FBXO8: variants seen among roughly 807,000 people sequenced by gnomAD.
The protein encoded by FBXO8 is F-box only protein 8.
FBXO8 carries 15 observed loss-of-function variants against 33.4 expected under a neutral mutation model. The ratio of observed to expected loss-of-function variants is 0.45; its 90% CI spans 0.30 to 0.69. FBXO8 has a LOEUF of 0.69. Among genes scored for constraint, FBXO8 ranks in the 30% least tolerant of loss-of-function variants. The pLI, the probability that FBXO8 is intolerant of heterozygous loss-of-function variation, is 0.08. For synonymous variants in FBXO8, 132 were observed against 131.5 expected (o/e 1.00, Z -0.02); for missense variants, 274 against 380.3 (o/e 0.72, Z 2.32).
rs945949844 is a variant in FBXO8 at position 174,251,857 on chromosome 4, A to G, written c.456+7842T>C. ...GGTAAACAGTTCTTACAGAGGGGGG[A>G]GCTACTTAAGCCATATTTGGTGAGG... On this transcript the variant is annotated intron_variant, in intron 3 of 5. Coordinates refer to ENST00000393674, the MANE Select transcript of FBXO8 (RefSeq NM_012180.3). The surrounding 1 kb of genome is among the most constrained non-coding windows in gnomAD (Gnocchi z 4.2). Among the ~76,000 whole-genome samples the G allele has an allele frequency of 6.6e-6, 1 of 152,052 alleles. No individual in the cohort carries two copies. Among genetic ancestry groups the G allele is most frequent in the Non-Finnish European group, 1.5e-5 (1 of 68,000 alleles).
At position 174,256,184 on chromosome 4, in the gene FBXO8, T is replaced by C; in HGVS notation, c.456+3515A>G. 4.4e-6 allele frequency: 2 copies of C among 453,504 alleles called. No individual in the cohort carries two copies. The highest frequency in any genetic ancestry group is 8.8e-6 in the Non-Finnish European group (2 of 226,292). The allele number at this position is 453,504 out of a possible 1,614,324, so 28.1% of individuals were successfully genotyped here. A position where few individuals can be genotyped will look rare whatever the true frequency, so the allele number is the denominator to read the frequency against. The stretch of plus-strand genomic sequence containing the variant: ...TATTTTTATAATATTTTAATGATGT[T>C]TGCTATCAAAATGTTAAGTACAATA... On this transcript the variant is annotated intron_variant, in intron 3 of 5. Coordinates refer to ENST00000393674, the MANE Select transcript of FBXO8 (RefSeq NM_012180.3). The surrounding 1 kb of genome is among the most constrained non-coding windows in gnomAD (Gnocchi z 4.6).
chr4:174,282,128 T>C (rs1045809217), intron 1 of FBXO8, among the ~76,000 whole-genome samples: 2 of 152,200 alleles, frequency 1.3e-5, no homozygotes, highest in Non-Finnish European at 2.9e-5. Flanking sequence ...TGTTTTTATA[T>C]TGTAAAATGA....
At chr4:174,268,755 A>C (rs1363240033) in intron 1 of FBXO8, among the ~76,000 whole-genome samples, 1 of 152,192 alleles carries the variant, frequency 6.6e-6, no homozygotes, top group Admixed American at 6.5e-5. Flanking sequence ...TTTAAACACT[A>C]AAATCACCAA....
At chr4:174,243,499 T>A (rs1265368085) in intron 3 of FBXO8, among the ~76,000 whole-genome samples, 11 of 150,390 alleles carry the variant, frequency 7.3e-5, no homozygotes, top group African/African-American at 2.4e-4. Flanking sequence ...TATCTTCTTA[T>A]GTATTAGGTT....
rs893520384 is a variant in FBXO8, at chr4:174,254,936, C to T, written c.456+4763G>A. On this transcript the variant is annotated intron_variant, in intron 3 of 5. Coordinates refer to ENST00000393674, the MANE Select transcript of FBXO8 (RefSeq NM_012180.3). This position sits in a 1 kb window ranked among gnomAD's most constrained non-coding sequence, Gnocchi z 4.2. ...ATACTAGGTTATTTCAAAATGTATT[C>T]CCTGGAATGTTTTTACCTTCCTCCT... is the stretch of plus-strand genomic sequence containing the variant. 1.2e-4 allele frequency among the ~76,000 whole-genome samples: 19 copies of T among 152,024 alleles called. No individual in the cohort carries two copies. Among genetic ancestry groups the T allele is most frequent in the African/African-American group, 4.3e-4 (18 of 41,412 alleles).
intron 1 of FBXO8, among the ~76,000 whole-genome samples, chr4:174,264,659 CAT>C (rs1579032250): frequency 6.6e-6 from 1 of 151,856 alleles, no homozygotes; most frequent in East Asian, 1.9e-4. Context: ...AGAGAAGAAA[CAT>C]ATTAATAATT....
intron 3 of FBXO8, among the ~76,000 whole-genome samples, chr4:174,250,206 C>A (rs775915360): frequency 6.6e-6 from 1 of 151,900 alleles, no homozygotes; most frequent in South Asian, 2.1e-4. Context: ...TTGCTCAGAG[C>A]CAACATTACA....
intron 1 of FBXO8, among the ~76,000 whole-genome samples, chr4:174,282,285 C>G (rs1737118718): frequency 6.6e-6 from 1 of 152,048 alleles, no homozygotes; most frequent in African/African-American, 2.4e-5. Flanking sequence ...CCAAGGGCCC[C>G]AAGTAATATT....
rs1195096123 is a variant in FBXO8 at position 174,247,820 on chromosome 4, G to GC, written c.457-6603_457-6602insG. Among the ~76,000 whole-genome samples, 1 of 152,050 alleles carries GC rather than the reference G, an allele frequency of 6.6e-6. No homozygotes were observed. The highest frequency in any genetic ancestry group is 1.5e-5 in the Non-Finnish European group (1 of 67,966). ...TTGTTTGCAAATAGCAGCAGCAATG[G>GC]TTAAGATGACTGCTCTGATACTATT... On this transcript the variant is annotated intron_variant, in intron 3 of 5. Coordinates refer to ENST00000393674, the MANE Select transcript of FBXO8 (RefSeq NM_012180.3). This position sits in a 1 kb window ranked among gnomAD's most constrained non-coding sequence, Gnocchi z 4.6.
At position 174,255,331 on chromosome 4, in the gene FBXO8, A is replaced by G. The variant is rs778142293; in HGVS notation, c.456+4368T>C. ...GTCATTAACATATATCTGAGATACT[A>G]TTTTTAAGAACTGAATGTAAATTCC... is the stretch of plus-strand genomic sequence containing the variant. On this transcript the variant is annotated intron_variant, in intron 3 of 5. Coordinates refer to ENST00000393674, the MANE Select transcript of FBXO8 (RefSeq NM_012180.3). This position sits in a 1 kb window ranked among gnomAD's most constrained non-coding sequence, Gnocchi z 4.3. Among the ~76,000 whole-genome samples the G allele has an allele frequency of 3.3e-5, 5 of 152,308 alleles. No homozygotes were observed. In the East Asian group the frequency reaches 7.7e-4, roughly 23 times the overall value.
intron 5 of FBXO8, among the ~76,000 whole-genome samples, chr4:174,238,152 T>C (rs1401085588): frequency 1.3e-5 from 2 of 151,992 alleles, no homozygotes; most frequent in African/African-American, 2.4e-5. Context: ...TCATTTAAGA[T>C]GTTATAAAGG....
At chr4:174,246,665 G>A (rs1048965917) in intron 3 of FBXO8, among the ~76,000 whole-genome samples, 4 of 151,912 alleles carry the variant, frequency 2.6e-5, no homozygotes, top group Non-Finnish European at 5.9e-5. Flanking sequence ...GACAGGAAAA[G>A]ACTGATGTGC....
rs1361862587 is a variant in FBXO8, at chr4:174,270,755, A to G, written c.-8-7655T>C. Among the ~76,000 whole-genome samples the G allele has an allele frequency of 6.6e-6, 1 of 151,972 alleles. No homozygotes were observed. The highest frequency in any genetic ancestry group is 1.5e-5 in the Non-Finnish European group (1 of 68,022). On this transcript the variant is annotated intron_variant, in intron 1 of 5. Transcript: ENST00000393674. The surrounding 1 kb of genome is among the most constrained non-coding windows in gnomAD (Gnocchi z 4.6). ...TCTCAGCCTCCCGAGTGCTGGGATT[A>G]CAGGCACCTGCCACCACGCCTGGCT... is the stretch of plus-strand genomic sequence containing the variant.
chr4:174,239,662 T>C (rs1268208671), intron 4 of FBXO8, among the ~76,000 whole-genome samples: 1 of 151,872 alleles, frequency 6.6e-6, no homozygotes, highest in Admixed American at 6.6e-5. Context: ...ATAATTTGTT[T>C]TTGCTTTTTT....
chr4:174,238,704 T>C (rs938496826), intron 5 of FBXO8, among the ~76,000 whole-genome samples: 3 of 148,640 alleles, frequency 2.0e-5, no homozygotes, highest in African/African-American at 7.3e-5. Context: ...TATATTTATA[T>C]ATAAATTTGT....
At position 174,254,158 on chromosome 4, in the gene FBXO8, G is replaced by A. The variant is rs558763592; in HGVS notation, c.456+5541C>T. The stretch of plus-strand genomic sequence containing the variant: ...AACATGCTGAGTCGAGCAGCATAAT[G>A]AAGGGTGCTGAGAACTCAATTCTTC... On this transcript the variant is annotated intron_variant, in intron 3 of 5. Transcript: ENST00000393674. This position sits in a 1 kb window ranked among gnomAD's most constrained non-coding sequence, Gnocchi z 4.2. Among the ~76,000 whole-genome samples, 1 of 152,346 alleles carries A rather than the reference G, an allele frequency of 6.6e-6. No individual in the cohort carries two copies. The highest frequency in any genetic ancestry group is 2.4e-5 in the African/African-American group (1 of 41,590).
intron 3 of FBXO8, among the ~76,000 whole-genome samples, chr4:174,244,208 T>C (rs1379090936): frequency 1.3e-5 from 2 of 151,608 alleles, no homozygotes; most frequent in Non-Finnish European, 1.5e-5. Context: ...CCCAGAATAA[T>C]GCACATACAC....
At position 174,245,442 on chromosome 4, in the gene FBXO8, T is replaced by C. The variant is rs1304576892; in HGVS notation, c.457-4224A>G. Among the ~76,000 whole-genome samples the C allele has an allele frequency of 2.0e-5, 3 of 152,046 alleles. No homozygotes were observed. The highest frequency in any genetic ancestry group is 3.9e-4 in the East Asian group (2 of 5,172). ...GAGAAGAATGTTCCAGTTAATACTG[T>C]ATTATATGAGCAAAAGTAATATATA... On this transcript the variant is annotated intron_variant, in intron 3 of 5. Coordinates refer to ENST00000393674, the MANE Select transcript of FBXO8 (RefSeq NM_012180.3). This position sits in a 1 kb window ranked among gnomAD's most constrained non-coding sequence, Gnocchi z 4.6.
chr4:174,238,101 A>G (rs2126410465), intron 5 of FBXO8, among the ~76,000 whole-genome samples: 1 of 152,136 alleles, frequency 6.6e-6, no homozygotes, highest in Admixed American at 6.5e-5. Context: ...ATCTGGTACT[A>G]GAAAATAAAA....
Sources: allele counts gnomAD v4.1 joint callset (sites outside exome capture counted in the v4.1 genomes callset), GRCh38; gene constraint gnomAD v4.1.1; non-coding constraint Gnocchi (gnomAD v3.1); transcripts MANE v1.5; gene names NCBI Gene and HGNC (gene_info 2026-07-23, HGNC 2026-07-21).